The following TMCO5A variants were observed in gnomAD, a reference collection of about 807,000 sequenced individuals.
TMCO5A encodes transmembrane and coiled-coil domain-containing protein 5A.
A neutral mutation model predicts 42.3 loss-of-function variants in TMCO5A; 34 were observed. That is an observed-to-expected ratio of 0.80 (90% CI 0.61 to 1.07). The LOEUF is 1.07. Ranked by LOEUF, TMCO5A falls within the 50% of genes least tolerant of loss-of-function variation. TMCO5A has a pLI of 0.00. For missense variants in TMCO5A, 357 were observed against 327.9 expected, an observed-to-expected ratio of 1.09 and a Z score of -0.69; for synonymous variants, 131 against 115.6, an observed-to-expected ratio of 1.13 and a Z score of -0.86.
intron 11 of TMCO5A, among the ~76,000 whole-genome samples, chr15:37,957,104 G>A (rs1482404653): frequency 1.3e-5 from 2 of 152,114 alleles, no homozygotes; most frequent in African/African-American, 2.4e-5. Context: ...AATAATGAGA[G>A]CTATTTATGA....
At chr15:37,977,549 C>A in the TMCO5A span, among the ~76,000 whole-genome samples, 4 of 152,284 alleles carry the variant, frequency 2.6e-5, no homozygotes, top group East Asian at 1.9e-4. Flanking sequence ...CCAGTAGATA[C>A]GCTCTTGCTT....
At chr15:38,036,267 C>G in the TMCO5A span, among the ~76,000 whole-genome samples, 1 of 152,024 alleles carries the variant, frequency 6.6e-6, no homozygotes, top group African/African-American at 2.4e-5. Flanking sequence ...TTTAATAGAG[C>G]CTCCCTCTGC....
the TMCO5A span, among the ~76,000 whole-genome samples, chr15:37,974,816 A>G: frequency 6.6e-6 from 1 of 151,848 alleles, no homozygotes. Flanking sequence ...TTGTTTCTCT[A>G]GTTACTCTAG....
the TMCO5A span, among the ~76,000 whole-genome samples, chr15:37,984,476 T>C: frequency 2.0e-5 from 3 of 152,132 alleles, no homozygotes; most frequent in Admixed American, 1.3e-4. Context: ...CATGATTACC[T>C]CAATATCCAG....
At chr15:37,992,977 G>A in the TMCO5A span, among the ~76,000 whole-genome samples, 1 of 152,020 alleles carries the variant, frequency 6.6e-6, no homozygotes, top group African/African-American at 2.4e-5. Flanking sequence ...TAACAAACTT[G>A]CACAAGTACC....
downstream of TMCO5A, among the ~76,000 whole-genome samples, chr15:37,952,948 T>A (rs1890196033): frequency 6.6e-6 from 1 of 152,092 alleles, no homozygotes; most frequent in Non-Finnish European, 1.5e-5. Flanking sequence ...AGGCCTATGG[T>A]GGCAGTGGCC....
chr15:38,023,683 G>A, the TMCO5A span, among the ~76,000 whole-genome samples: 1 of 152,154 alleles, frequency 6.6e-6, no homozygotes, highest in Non-Finnish European at 1.5e-5. Flanking sequence ...TACTACATAT[G>A]AGAATGCAAG....
At chr15:37,984,566 T>A in the TMCO5A span, among the ~76,000 whole-genome samples, 2 of 152,156 alleles carry the variant, frequency 1.3e-5, no homozygotes, top group Admixed American at 6.6e-5. Context: ...TTTGAATGCA[T>A]GTGTACTTTC....
chr15:37,980,437 C>T, the TMCO5A span, among the ~76,000 whole-genome samples: 1 of 152,126 alleles, frequency 6.6e-6, no homozygotes, highest in East Asian at 1.9e-4. Flanking sequence ...CCTCTCCCGG[C>T]TCCCTGCCGA....
At chr15:37,945,412 A>G (rs1329580348) in intron 10 of TMCO5A, among the ~76,000 whole-genome samples, 3 of 152,060 alleles carry the variant, frequency 2.0e-5, no homozygotes, top group Non-Finnish European at 4.4e-5. Flanking sequence ...TGCTGGGTCA[A>G]ATGGTATTTC....
rs754685035 is a variant in TMCO5A at position 37,937,363 on chromosome 15, G to A, written c.282G>A (p.Thr94=). The change falls in exon 5 of 12, where the codon ACG becomes ACA. Residue 94 remains threonine (T), a synonymous_variant. Coordinates refer to ENST00000319669, the MANE Select transcript of TMCO5A (RefSeq NM_152453.4). ...TCTCACAGGAAAGGAAGAATAAGACGTTGGTCCACAGTATAACAGAACTTC... is the reference window on the plus strand; with the variant it reads ...TCTCACAGGAAAGGAAGAATAAGACATTGGTCCACAGTATAACAGAACTTC... ...ETARLERKNK[T]LVHSITELQQ... 2.4e-5 allele frequency: 39 copies of A among 1,612,966 alleles called. No homozygotes were observed. In the African/African-American group the frequency reaches 2.8e-4, roughly 12 times the overall value.
At chr15:37,951,886 A>AC (rs921137695), downstream of TMCO5A, among the ~76,000 whole-genome samples, 11 of 151,674 alleles carry the variant, frequency 7.3e-5, no homozygotes, top group African/African-American at 1.5e-4. Context: ...AATCACCAAC[A>AC]CCCCCCCTTT....
the TMCO5A span, among the ~76,000 whole-genome samples, chr15:37,989,303 A>C: frequency 1.3e-5 from 2 of 151,884 alleles, no homozygotes; most frequent in South Asian, 2.1e-4. Context: ...TAAACAAAAA[A>C]ATTTCTGCTC....
the TMCO5A span, among the ~76,000 whole-genome samples, chr15:38,024,493 G>C: frequency 6.6e-6 from 1 of 152,182 alleles, no homozygotes; most frequent in Non-Finnish European, 1.5e-5. Flanking sequence ...TTGTACCCTG[G>C]TGGAGGATCA....
At chr15:37,940,075 A>G (rs189418416) in intron 6 of TMCO5A, among the ~76,000 whole-genome samples, 54 of 152,238 alleles carry the variant, frequency 3.5e-4, no homozygotes, top group Non-Finnish European at 6.8e-4. Context: ...CCTTACCTGG[A>G]CAACAGGAGT....
downstream of TMCO5A, among the ~76,000 whole-genome samples, chr15:37,951,917 G>A (rs763266088): frequency 2.6e-5 from 4 of 152,082 alleles, no homozygotes; most frequent in African/African-American, 9.7e-5. Context: ...AGCAGCAAGG[G>A]TGTGGTGTGG....
the TMCO5A span, among the ~76,000 whole-genome samples, chr15:38,000,230 T>A: frequency 6.6e-6 from 1 of 152,328 alleles, no homozygotes; most frequent in Non-Finnish European, 1.5e-5. Flanking sequence ...TTTGAATTTC[T>A]TCATGATTCA....
At chr15:37,996,819 A>G in the TMCO5A span, among the ~76,000 whole-genome samples, 1 of 152,116 alleles carries the variant, frequency 6.6e-6, no homozygotes, top group Non-Finnish European at 1.5e-5. Context: ...CAGCTTGATG[A>G]CGCCTGTGAT....
intron 11 of TMCO5A, among the ~76,000 whole-genome samples, chr15:37,958,617 C>G (rs770181743): frequency 2.0e-5 from 3 of 152,070 alleles, no homozygotes; most frequent in Admixed American, 6.6e-5. Context: ...AGTCAGGAAA[C>G]AACAGATGCT....
Sources: gnomAD v4.1 joint callset for allele counts (sites outside exome capture counted in the v4.1 genomes callset) on GRCh38, gnomAD v4.1.1 for gene constraint, MANE v1.5 for transcripts, NCBI Gene and HGNC (gene_info 2026-07-23, HGNC 2026-07-21) for gene names.